SUPT3H: variants seen among roughly 807,000 people sequenced by gnomAD.
SUPT3H encodes the protein SPT3 homolog, SAGA and STAGA complex component.
SUPT3H carries 44 observed loss-of-function variants against 44.3 expected under a neutral mutation model. The observed-to-expected ratio is 0.99, with a 90% CI of 0.78 to 1.28. The LOEUF is 1.28. Among genes scored for constraint, SUPT3H ranks in the 50% most tolerant of loss-of-function variants. The pLI, the probability that SUPT3H is intolerant of heterozygous loss-of-function variation, is 0.00. For synonymous variants in SUPT3H, 124 were observed against 125.6 expected, an observed-to-expected ratio of 0.99 and a Z score of 0.09; for missense variants, 380 against 387.1, an observed-to-expected ratio of 0.98 and a Z score of 0.15.
At chr6:45,182,314 G>T (rs1340039924) in intron 2 of SUPT3H, among the ~76,000 whole-genome samples, 1 of 152,224 alleles carries the variant, frequency 6.6e-6, no homozygotes, top group Admixed American at 6.5e-5. Context: ...AGGCTGGAGT[G>T]TAGTGGCGCA....
In SUPT3H at chr6:44,834,764, C is replaced by T. The variant is rs373324758; in HGVS notation, c.913-4907G>A. Among the ~76,000 whole-genome samples, 28 of 152,198 alleles carry T rather than the reference C, an allele frequency of 1.8e-4. 1 individual carries two copies. The highest frequency in any genetic ancestry group is 5.2e-4 in the Admixed American group (8 of 15,276). On this transcript the variant is annotated intron_variant, in intron 10 of 10. Transcript: ENST00000371459. ...CCCAAAGCTATGTGTTTAGCTTCCC[C>T]GGCCTTAATGGGGAAAACAGATGCA...
In SUPT3H at chr6:44,942,976, CTCACAATGTCCACTTTACAAT is replaced by C; in HGVS notation, c.802-10234_802-10214del. Reference sequence around the variant, plus strand: ...ATCCTAAAATGCCTATGATGTATTACTCACAATGTCCACTTTACAATTCAAAATTACCAGACATGCAAAACA... The same window carrying C: ...ATCCTAAAATGCCTATGATGTATTACTCAAAATTACCAGACATGCAAAACA... On this transcript the variant is annotated intron_variant, in intron 9 of 10. Transcript: ENST00000371459. Among the ~76,000 whole-genome samples, 4 of 152,244 alleles carry C rather than the reference CTCACAATGTCCACTTTACAAT, an allele frequency of 2.6e-5. No homozygotes were observed. The South Asian group carries it at 8.3e-4, about 32-fold the overall frequency.
chr6:45,160,549 A>G (rs1808775019), intron 2 of SUPT3H, among the ~76,000 whole-genome samples: 1 of 152,062 alleles, frequency 6.6e-6, no homozygotes, highest in Non-Finnish European at 1.5e-5. Context: ...TGGGAAAAAC[A>G]TTTTTTATAT....
chr6:44,881,394 C>A (rs547999383), intron 10 of SUPT3H, among the ~76,000 whole-genome samples: 1 of 152,126 alleles, frequency 6.6e-6, no homozygotes, highest in Non-Finnish European at 1.5e-5. Flanking sequence ...AAAGCAAGTT[C>A]TTAGAGATCT....
At chr6:45,253,995 T>A (rs1436421999) in intron 2 of SUPT3H, among the ~76,000 whole-genome samples, 3 of 151,184 alleles carry the variant, frequency 2.0e-5, no homozygotes. Flanking sequence ...ACCTGTATCA[T>A]TACTGATATG....
At chr6:45,327,158 C>G (rs1786494658) in intron 2 of SUPT3H, among the ~76,000 whole-genome samples, 1 of 151,930 alleles carries the variant, frequency 6.6e-6, no homozygotes, top group Non-Finnish European at 1.5e-5. Flanking sequence ...AAAGATGTTT[C>G]CAATTTTCTT....
chr6:45,029,861 C>T (rs999727302), intron 3 of SUPT3H, among the ~76,000 whole-genome samples: 1 of 152,154 alleles, frequency 6.6e-6, no homozygotes, highest in African/African-American at 2.4e-5. Flanking sequence ...AACTCCTGGG[C>T]TCAAATGATC....
intron 2 of SUPT3H, among the ~76,000 whole-genome samples, chr6:45,260,230 C>T (rs1054396508): frequency 1.2e-4 from 18 of 152,118 alleles, no homozygotes; most frequent in African/African-American, 2.9e-4. Flanking sequence ...CTACATTCTA[C>T]GCAGGGAACT....
At chr6:45,208,584 T>A (rs913360631) in intron 2 of SUPT3H, among the ~76,000 whole-genome samples, 21 of 151,762 alleles carry the variant, frequency 1.4e-4, no homozygotes, top group Admixed American at 1.2e-3. Context: ...ATTAGCCAGG[T>A]ATGGTGGTGT....
intron 2 of SUPT3H, among the ~76,000 whole-genome samples, chr6:45,280,312 G>A (rs1777784855): frequency 6.6e-6 from 1 of 151,976 alleles, no homozygotes; most frequent in African/African-American, 2.4e-5. Flanking sequence ...GACCAGCCTG[G>A]CCAACATGGT....
At chr6:45,223,581 T>C (rs2153636512) in intron 2 of SUPT3H, among the ~76,000 whole-genome samples, 1 of 152,056 alleles carries the variant, frequency 6.6e-6, no homozygotes, top group East Asian at 1.9e-4. Flanking sequence ...AAATTTTATA[T>C]TTAATAATGA....
At chr6:44,903,680 A>T (rs992830052) in intron 10 of SUPT3H, among the ~76,000 whole-genome samples, 1 of 152,230 alleles carries the variant, frequency 6.6e-6, no homozygotes, top group African/African-American at 2.4e-5. Flanking sequence ...AACTCATTTT[A>T]TGAGGCCAGC....
intron 2 of SUPT3H, among the ~76,000 whole-genome samples, chr6:45,326,586 A>G (rs1584924759): frequency 6.6e-6 from 1 of 151,964 alleles, no homozygotes; most frequent in Non-Finnish European, 1.5e-5. Flanking sequence ...CTGGTTTTTT[A>G]TCACTAAAAG....
intron 2 of SUPT3H, among the ~76,000 whole-genome samples, chr6:45,317,934 C>A (rs1784942702): frequency 6.6e-6 from 1 of 151,964 alleles, no homozygotes; most frequent in South Asian, 2.1e-4. Context: ...TATTTGCAAA[C>A]CATACATCTG....
intron 2 of SUPT3H, among the ~76,000 whole-genome samples, chr6:45,217,939 A>T (rs1445061716): frequency 6.6e-6 from 1 of 152,078 alleles, no homozygotes; most frequent in Non-Finnish European, 1.5e-5. Flanking sequence ...AGCAAGGTGG[A>T]ATCTGAAAAA....
intron 2 of SUPT3H, among the ~76,000 whole-genome samples, chr6:45,243,493 AAACT>A (rs75688897): frequency 0.21 from 32,330 of 151,940 alleles, 4,312 homozygotes; most frequent in Non-Finnish European, 0.31. Context: ...ATCACTAGTT[AAACT>A]AACTGAGAAT....
intron 6 of SUPT3H, among the ~76,000 whole-genome samples, chr6:45,002,156 A>T (rs987166232): frequency 5.3e-5 from 8 of 152,046 alleles, no homozygotes; most frequent in African/African-American, 1.9e-4. Flanking sequence ...CCAGTATGTA[A>T]TACATAACTA....
chr6:44,942,134 T>C (rs146438087), intron 9 of SUPT3H, among the ~76,000 whole-genome samples: 31 of 152,196 alleles, frequency 2.0e-4, no homozygotes, highest in Non-Finnish European at 1.0e-4. Flanking sequence ...AATTAATTTA[T>C]GTATACATAT....
intron 10 of SUPT3H, among the ~76,000 whole-genome samples, chr6:44,907,173 G>C (rs890940284): frequency 1.3e-5 from 2 of 152,154 alleles, no homozygotes; most frequent in Non-Finnish European, 2.9e-5. Context: ...TGAATGCAGA[G>C]ATTAGACAGT....
Sources: allele counts gnomAD v4.1 joint callset (sites outside exome capture counted in the v4.1 genomes callset), GRCh38; gene constraint gnomAD v4.1.1; transcripts MANE v1.5; gene names NCBI Gene and HGNC (gene_info 2026-07-23, HGNC 2026-07-21).